Variants in PHACTR3 observed in about 807,000 individuals in gnomAD.
The protein encoded by PHACTR3 is protein phosphatase 1, regulatory subunit 123.
A neutral mutation model predicts 66.8 loss-of-function variants in PHACTR3; 16 were observed. The observed-to-expected ratio is 0.24, with a 90% CI of 0.16 to 0.36. PHACTR3 has a LOEUF of 0.36. Among genes scored for constraint, PHACTR3 ranks in the 10% least tolerant of loss-of-function variants. The probability of loss-of-function intolerance (pLI) is 1.00; values close to 1 mark genes in which losing one functional copy is unlikely to be tolerated. For missense variants in PHACTR3, 647 were observed against 719.9 expected, an observed-to-expected ratio of 0.90 and a Z score of 1.16; for synonymous variants, 323 against 292.1, an observed-to-expected ratio of 1.11 and a Z score of -1.08.
intron 9 of PHACTR3, among the ~76,000 whole-genome samples, chr20:59,837,642 CTTAA>C (rs370592442): frequency 3.3e-3 from 498 of 152,288 alleles, no homozygotes; most frequent in Non-Finnish European, 5.0e-3. Flanking sequence ...TGATAACATG[CTTAA>C]TTAAGTAGGC....
intron 8 of PHACTR3, 79 bp from the exon 9 acceptor site, chr20:59,836,426 C>T (rs1409048635): frequency 2.1e-6 from 3 of 1,419,032 alleles, no homozygotes; most frequent in Admixed American, 2.2e-5. Context: ...TGCCAGCCAC[C>T]TCTCATCCTT....
At chr20:59,750,856 G>C (rs1568779463) in intron 3 of PHACTR3, among the ~76,000 whole-genome samples, 1 of 152,166 alleles carries the variant, frequency 6.6e-6, no homozygotes. Flanking sequence ...CTGTAATAAC[G>C]GGATCCACGC....
intron 4 of PHACTR3, 28 bp from the exon 5 acceptor site, chr20:59,767,158 T>G: frequency 6.2e-7 from 1 of 1,613,016 alleles, no homozygotes; most frequent in Non-Finnish European, 8.5e-7. Context: ...AAACATGTTT[T>G]TAACTCTCTG....
At chr20:59,608,669 C>G (rs2033748665) in intron 1 of PHACTR3, among the ~76,000 whole-genome samples, 1 of 152,180 alleles carries the variant, frequency 6.6e-6, no homozygotes, top group African/African-American at 2.4e-5. Flanking sequence ...ATCCCCTGTC[C>G]CTTGGCTGTC....
chr20:59,798,609 T>C (rs2041322410), intron 7 of PHACTR3, among the ~76,000 whole-genome samples: 1 of 152,138 alleles, frequency 6.6e-6, no homozygotes, highest in Admixed American at 6.6e-5. Context: ...AAGGAAGTTG[T>C]TCATTTTATA....
chr20:59,836,209 G>C, intron 8 of PHACTR3: 1 of 383,564 alleles, frequency 2.6e-6, no homozygotes. Context: ...CCGGTGAACA[G>C]TCCAGACCAG....
intron 1 of PHACTR3, among the ~76,000 whole-genome samples, chr20:59,631,384 C>T (rs2034657506): frequency 6.6e-6 from 1 of 152,152 alleles, no homozygotes; most frequent in Non-Finnish European, 1.5e-5. Context: ...TGTCCCCTAG[C>T]CCCCAGCAAC....
chr20:59,794,518 C>T (rs2041197638), intron 7 of PHACTR3, among the ~76,000 whole-genome samples: 3 of 151,804 alleles, frequency 2.0e-5, no homozygotes, highest in African/African-American at 7.3e-5. Flanking sequence ...TTTTTTGTGT[C>T]CTTATCTGGT....
At chr20:59,823,092 G>A (rs2042095390) in intron 8 of PHACTR3, among the ~76,000 whole-genome samples, 1 of 152,202 alleles carries the variant, frequency 6.6e-6, no homozygotes, top group African/African-American at 2.4e-5. Context: ...GGACCCCAAA[G>A]GATCTTAGCC....
intron 2 of PHACTR3, 148 bp downstream of exon 2, chr20:59,743,416 C>A: frequency 4.3e-6 from 5 of 1,151,926 alleles, no homozygotes; most frequent in Non-Finnish European, 6.0e-6. Flanking sequence ...AGGAGCCATG[C>A]AAGTTACCCC....
At chr20:59,722,809 A>AG (rs2038368545) in intron 1 of PHACTR3, among the ~76,000 whole-genome samples, 1 of 150,836 alleles carries the variant, frequency 6.6e-6, no homozygotes, top group Admixed American at 6.6e-5. Context: ...TTGTTTTGGG[A>AG]GGAGCCTCTG....
intron 1 of PHACTR3, among the ~76,000 whole-genome samples, chr20:59,683,485 C>CT (rs11478171): frequency 0.13 from 17,938 of 140,706 alleles, 1,263 homozygotes; most frequent in Non-Finnish European, 0.17. Flanking sequence ...TAAACCAGGT[C>CT]TTTTTTTTTT....
intron 7 of PHACTR3, among the ~76,000 whole-genome samples, chr20:59,780,814 C>T (rs1411220889): frequency 6.6e-6 from 1 of 152,192 alleles, no homozygotes; most frequent in African/African-American, 2.4e-5. Context: ...TTCTTAACCT[C>T]TCTGTGCTTC....
intron 7 of PHACTR3, 84 bp downstream of exon 7, chr20:59,774,574 TG>T: frequency 1.3e-6 from 2 of 1,507,382 alleles, no homozygotes; most frequent in Non-Finnish European, 8.9e-7. Context: ...AGCTCGTGCC[TG>T]GGGGAGGAAC....
At chr20:59,711,600 C>T (rs1001833092) in intron 1 of PHACTR3, among the ~76,000 whole-genome samples, 7 of 152,104 alleles carry the variant, frequency 4.6e-5, no homozygotes, top group African/African-American at 1.4e-4. Flanking sequence ...ATCATAGCCT[C>T]GCCTGTCATA....
intron 1 of PHACTR3, among the ~76,000 whole-genome samples, chr20:59,596,898 G>T (rs1204107307): frequency 6.6e-6 from 1 of 152,228 alleles, no homozygotes; most frequent in African/African-American, 2.4e-5. Context: ...CTGGCCAGTG[G>T]CTTCATACAC....
upstream of PHACTR3, among the ~76,000 whole-genome samples, chr20:59,599,665 C>T (rs1342018083): frequency 2.0e-5 from 3 of 151,888 alleles, no homozygotes; most frequent in East Asian, 5.8e-4. Context: ...AATTCTACCC[C>T]CCTCATAAAT....
At chr20:59,784,097 G>C (rs979869034) in intron 7 of PHACTR3, among the ~76,000 whole-genome samples, 23 of 152,124 alleles carry the variant, frequency 1.5e-4, no homozygotes, top group Non-Finnish European at 4.4e-5. Context: ...GTGACTTTAA[G>C]GGGCTTTGAG....
chr20:59,673,413 G>T (rs761128394), intron 1 of PHACTR3, among the ~76,000 whole-genome samples: 1 of 152,198 alleles, frequency 6.6e-6, no homozygotes, highest in Non-Finnish European at 1.5e-5. Flanking sequence ...CCTGATGGCC[G>T]AGCAATGTGG....
Sources: allele counts gnomAD v4.1 joint callset (sites outside exome capture counted in the v4.1 genomes callset), GRCh38; gene constraint gnomAD v4.1.1; transcripts MANE v1.5; gene names NCBI Gene and HGNC (gene_info 2026-07-23, HGNC 2026-07-21).